NR2C2: variants seen among roughly 807,000 people sequenced by gnomAD.
NR2C2 encodes the protein nuclear receptor subfamily 2 group C member 2, also known as Nuclear hormone receptor TR4.
A neutral mutation model predicts 62.9 loss-of-function variants in NR2C2; 6 were observed. The observed-to-expected ratio is 0.10, with a 90% CI of 0.05 to 0.19. The LOEUF is 0.19. Ranked by LOEUF, NR2C2 falls within the 10% of genes least tolerant of loss-of-function variation. The pLI, the probability that NR2C2 is intolerant of heterozygous loss-of-function variation, is 1.00. For synonymous variants in NR2C2, 272 were observed against 273.8 expected, an observed-to-expected ratio of 0.99 and a Z score of 0.07; for missense variants, 479 against 762.7, an observed-to-expected ratio of 0.63 and a Z score of 4.38.
chr3:15,000,959 C>T lies in NR2C2; in HGVS notation c.-39-2917C>T, dbSNP rs528889509. 7.9e-5 allele frequency among the ~76,000 whole-genome samples: 12 copies of T among 151,824 alleles called. No homozygotes were observed. In the East Asian group the frequency reaches 2.3e-3, roughly 30 times the overall value. On this transcript the variant is annotated intron_variant, in intron 1 of 13. Transcript: ENST00000425241. ...CCTCCTGAGTAGCTGGGACTACAGG[C>T]ACCCGTCACCACGCCCGGCTAATTT...
chr3:14,989,504 G>A (rs1213023493), intron 1 of NR2C2, among the ~76,000 whole-genome samples: 1 of 152,078 alleles, frequency 6.6e-6, no homozygotes, highest in Admixed American at 6.6e-5. Flanking sequence ...CTATCTTTAA[G>A]AATATTAGGG....
intron 5 of NR2C2, among the ~76,000 whole-genome samples, chr3:15,021,754 G>A (rs2041673116): frequency 6.6e-6 from 1 of 152,228 alleles, no homozygotes; most frequent in Admixed American, 6.5e-5. Context: ...GCATGGTTCT[G>A]TCATCTTTTG....
intron 1 of NR2C2, among the ~76,000 whole-genome samples, chr3:14,986,667 C>A (rs534595593): frequency 3.5e-4 from 54 of 152,260 alleles, no homozygotes; most frequent in African/African-American, 1.3e-3. Context: ...TAAAAAAGAC[C>A]TTGGAAAGCA....
chr3:14,981,472 G>A (rs2040366199), intron 1 of NR2C2, among the ~76,000 whole-genome samples: 1 of 151,730 alleles, frequency 6.6e-6, no homozygotes, highest in African/African-American at 2.4e-5. Flanking sequence ...GTGTGGTGGT[G>A]GGCGCCTGTA....
chr3:15,003,930 C>A lies in NR2C2; in HGVS notation c.16C>A (p.Pro6Thr). Residue 6 changes from proline to threonine, a missense_variant, in exon 2 of 14, where the codon CCA becomes ACA. Physicochemically the swap from Pro to Thr is conservative, Grantham distance 38 (BLOSUM62 -1). Transcript: ENST00000425241. MTSPS[P>T]RIQIISTDSA... is the part of the protein sequence containing the mutation. ...ATCTCCAGGGATGACCAGCCCCTCC[C>A]CACGCATCCAGATAATCTCCACCGA... 6.2e-7 allele frequency: 1 copy of A among 1,613,970 alleles called. No homozygotes were observed. Among genetic ancestry groups the A allele is most frequent in the Non-Finnish European group, 8.5e-7 (1 of 1,179,926 alleles).
intron 1 of NR2C2, among the ~76,000 whole-genome samples, chr3:14,959,857 A>G (rs2039642503): frequency 6.6e-6 from 1 of 152,230 alleles, no homozygotes; most frequent in Non-Finnish European, 1.5e-5. Flanking sequence ...GAGAACCTAC[A>G]GTTATATCCA....
chr3:15,007,230 C>G (rs769030983), intron 2 of NR2C2, among the ~76,000 whole-genome samples: 1 of 151,568 alleles, frequency 6.6e-6, no homozygotes, highest in Non-Finnish European at 1.5e-5. Flanking sequence ...CGGGTTCATG[C>G]CATTCTCCTG....
chr3:14,954,518 C>T (rs572039343), intron 1 of NR2C2, among the ~76,000 whole-genome samples: 1 of 152,114 alleles, frequency 6.6e-6, no homozygotes, highest in East Asian at 1.9e-4. Flanking sequence ...ATAAATTGGG[C>T]ATAGTCGTAC....
chr3:14,971,783 A>G (rs1158902974), intron 1 of NR2C2, among the ~76,000 whole-genome samples: 1 of 151,406 alleles, frequency 6.6e-6, no homozygotes, highest in East Asian at 1.9e-4. Context: ...TCACATTAAA[A>G]AATTAATTTA....
chr3:15,013,601 C>G lies in NR2C2; in HGVS notation c.85C>G (p.Gln29Glu). 6.2e-7 allele frequency: 1 copy of G among 1,614,028 alleles called. No individual in the cohort carries two copies. Among genetic ancestry groups the G allele is most frequent in the Non-Finnish European group, 8.5e-7 (1 of 1,179,976 alleles). ...SPQRIQIVTD[Q>E]QTGQKIQIVT... Reference sequence around the variant, plus strand: ...TTGTGTCTTATAGATTGTCACAGACCAGCAGACAGGACAGAAAATCCAGAT... The same window carrying G: ...TTGTGTCTTATAGATTGTCACAGACGAGCAGACAGGACAGAAAATCCAGAT... Residue 29 changes from glutamine (Q) to glutamate (E), a missense_variant, in exon 3 of 14, where the codon CAG becomes GAG. This residue lies in a region of NR2C2 where 115 missense variants were observed against 152.3 expected (regional missense o/e 0.76). Coordinates refer to ENST00000425241, the MANE Select transcript of NR2C2 (RefSeq NM_001291694.2).
chr3:14,963,462 T>G (rs1419466601), intron 1 of NR2C2, among the ~76,000 whole-genome samples: 2 of 147,022 alleles, frequency 1.4e-5, no homozygotes, highest in African/African-American at 2.7e-5. Context: ...GAGATTCGCA[T>G]TTTTTATTTT....
rs754056755 is a variant in NR2C2, at chr3:15,043,046, T to C, written c.*38T>C. 3.2e-6 allele frequency: 5 copies of C among 1,573,462 alleles called. No individual in the cohort carries two copies. The South Asian group carries it at 4.7e-5, about 15-fold the overall frequency. On this transcript the variant is annotated 3_prime_UTR_variant, in exon 14 of 14. Transcript: ENST00000425241. ...ACCTGCCAAGGAGCAACAGAATCCT[T>C]CCAGGACCGTTCACATACAAAGAAA...
At chr3:14,979,397 T>G (rs992942811) in intron 1 of NR2C2, among the ~76,000 whole-genome samples, 9 of 152,370 alleles carry the variant, frequency 5.9e-5, no homozygotes, top group Admixed American at 5.9e-4. Flanking sequence ...GGCATTGTTA[T>G]AGTTTTCAAG....
chr3:14,994,642 C>A (rs1559552028), intron 1 of NR2C2, among the ~76,000 whole-genome samples: 1 of 151,296 alleles, frequency 6.6e-6, no homozygotes, highest in Non-Finnish European at 1.5e-5. Context: ...GGGGTTTCAC[C>A]ATGTTGGCCA....
intron 2 of NR2C2, among the ~76,000 whole-genome samples, chr3:15,011,785 A>G (rs893221819): frequency 6.6e-6 from 1 of 152,158 alleles, no homozygotes; most frequent in African/African-American, 2.4e-5. Context: ...CGTGTAGCAC[A>G]CTTTGCCGCA....
At chr3:15,025,760 A>T (rs2041805523) in intron 7 of NR2C2, 1 of 152,374 alleles carries the variant, frequency 6.6e-6, no homozygotes, top group South Asian at 2.1e-4. Context: ...CACAACGAGG[A>T]CATTGGCTTT....
In NR2C2 at chr3:15,047,272, G is replaced by C. The variant is rs574605490; in HGVS notation, c.*4264G>C. 1 of 152,272 alleles carries C rather than the reference G, an allele frequency of 6.6e-6. No homozygotes were observed. Among genetic ancestry groups the C allele is most frequent in the Non-Finnish European group, 1.5e-5 (1 of 68,046 alleles). The allele number at this position is 152,272 out of a possible 1,614,324, so 9.4% of individuals were successfully genotyped here. A position where few individuals can be genotyped will look rare whatever the true frequency, so the allele number is the denominator to read the frequency against. Reference sequence around the variant, plus strand: ...ACTCCATTTTCCTTTGGGTGAGCCTGCCTGGGAAGGGCCATGAAGTCAGAA... The same window carrying C: ...ACTCCATTTTCCTTTGGGTGAGCCTCCCTGGGAAGGGCCATGAAGTCAGAA... On this transcript the variant is annotated 3_prime_UTR_variant, in exon 14 of 14. Coordinates refer to ENST00000425241, the MANE Select transcript of NR2C2 (RefSeq NM_001291694.2).
At chr3:14,960,687 G>A (rs926000270) in intron 1 of NR2C2, among the ~76,000 whole-genome samples, 2 of 152,142 alleles carry the variant, frequency 1.3e-5, no homozygotes, top group African/African-American at 4.8e-5. Flanking sequence ...GAGAAATTCT[G>A]TTGACATCTA....
chr3:14,948,982 T>C (rs915004209), intron 1 of NR2C2, among the ~76,000 whole-genome samples: 1 of 152,082 alleles, frequency 6.6e-6, no homozygotes, highest in African/African-American at 2.4e-5. Context: ...CACTTGAAAA[T>C]GGTGTTATTG....
Sources: gnomAD v4.1 joint callset for allele counts (sites outside exome capture counted in the v4.1 genomes callset) on GRCh38, gnomAD v4.1.1 for gene constraint, gnomAD v4.1.1 regional missense constraint, MANE v1.5 for transcripts, NCBI Gene and HGNC (gene_info 2026-07-23, HGNC 2026-07-21) for gene names.